The following SCFD1 variants were observed in gnomAD, a reference collection of about 807,000 sequenced individuals.
The protein encoded by SCFD1 is sec1 family domain-containing protein 1.
Under a neutral mutation model 103.2 loss-of-function variants are expected in SCFD1, and 37 were observed. That is an observed-to-expected ratio of 0.36 (90% confidence interval 0.28 to 0.47). The LOEUF (loss-of-function observed/expected upper bound fraction) is 0.47, where lower values mean the gene tolerates loss of function less well. Ranked by LOEUF, SCFD1 falls within the 20% of genes least tolerant of loss-of-function variation. The pLI, the probability that SCFD1 is intolerant of heterozygous loss-of-function variation, is 1.00. For synonymous variants in SCFD1, 264 were observed against 245.0 expected (o/e 1.08, Z -0.73); for missense variants, 639 against 761.2 (o/e 0.84, Z 1.89).
chr14:30,654,914 T>C (rs796400782), intron 10 of SCFD1, among the ~76,000 whole-genome samples: 18 of 152,228 alleles, frequency 1.2e-4, no homozygotes, highest in African/African-American at 2.6e-4. Context: ...CCCTAAGTAG[T>C]AGAACATGGA....
chr14:30,694,588 A>G (rs1890559733), intron 14 of SCFD1, among the ~76,000 whole-genome samples, 185 bp from the exon 15 acceptor site: 1 of 152,104 alleles, frequency 6.6e-6, no homozygotes, highest in Non-Finnish European at 1.5e-5. Flanking sequence ...TGGGTTAGGA[A>G]TGAGCCTGGG....
At chr14:30,634,389 A>G (rs892980045) in intron 4 of SCFD1, among the ~76,000 whole-genome samples, 5 of 152,222 alleles carry the variant, frequency 3.3e-5, no homozygotes, top group Admixed American at 3.3e-4. Context: ...ATATTTTATA[A>G]TTGCTCTATT....
chr14:30,624,201 A>C (rs1172368756), intron 1 of SCFD1, among the ~76,000 whole-genome samples: 1 of 152,150 alleles, frequency 6.6e-6, no homozygotes, highest in East Asian at 1.9e-4. Context: ...CCATACCTTC[A>C]GTTCAATAGG....
At chr14:30,639,480 A>G (rs2139043560) in intron 5 of SCFD1, among the ~76,000 whole-genome samples, 1 of 152,302 alleles carries the variant, frequency 6.6e-6, no homozygotes, top group African/African-American at 2.4e-5. Flanking sequence ...TTCAAAATTG[A>G]TATCCATTCC....
intron 4 of SCFD1, among the ~76,000 whole-genome samples, chr14:30,635,250 T>C (rs1884606767): frequency 6.6e-6 from 1 of 152,316 alleles, no homozygotes; most frequent in South Asian, 2.1e-4. Context: ...AATAACACCT[T>C]TATTGAAATT....
intron 7 of SCFD1, among the ~76,000 whole-genome samples, chr14:30,647,370 T>C (rs559966319): frequency 2.0e-5 from 3 of 152,198 alleles, no homozygotes; most frequent in South Asian, 2.1e-4. Context: ...ATTTTTTTTT[T>C]CCCTTAATTT....
At chr14:30,704,992 G>A (rs1454408199) in intron 17 of SCFD1, among the ~76,000 whole-genome samples, 2 of 152,166 alleles carry the variant, frequency 1.3e-5, no homozygotes, top group African/African-American at 2.4e-5. Context: ...ATTCTCTACA[G>A]TGAAAATACT....
rs1198551879 is a variant in SCFD1 at position 30,694,854 on chromosome 14, A to G, written c.1324A>G (p.Ile442Val). ...TTLDKSLLDI[I>V]SDPDAGTPED... ...TCTGGATAAATCTCTTCTAGATATA[A>G]TATCAGACCCTGATGGTATGTACCA... The change falls in exon 15 of 25, where the codon ATA (isoleucine) becomes GTA (valine). Residue 442 changes from isoleucine (I) to valine (V), a missense_variant. Transcript: ENST00000458591. The G allele has an allele frequency of 3.9e-5, 62 of 1,586,546 alleles. No individual in the cohort carries two copies. Among genetic ancestry groups the G allele is most frequent in the Admixed American group, 1.1e-4 (6 of 52,308 alleles).
intron 4 of SCFD1, among the ~76,000 whole-genome samples, chr14:30,636,241 G>T (rs778775500): frequency 4.0e-5 from 6 of 150,278 alleles, no homozygotes; most frequent in Admixed American, 6.6e-5. Flanking sequence ...AAACATTTTT[G>T]ATTTTGATGA....
Position 30,711,029 on chromosome 14 carries a change from C to G in SCFD1, c.1629+2964C>G, listed in dbSNP as rs539717615. On this transcript the variant is annotated intron_variant, in intron 19 of 24. Transcript: ENST00000458591. ...AAGTTTTGTGCATCACAAGTATCAA[C>G]TATCACATAAAACCAGTTGAATGTT... Among the ~76,000 whole-genome samples, 3 of 152,296 alleles carry G rather than the reference C, an allele frequency of 2.0e-5. No individual in the cohort carries two copies. In the South Asian group the frequency reaches 6.2e-4, roughly 32 times the overall value.
intron 10 of SCFD1, among the ~76,000 whole-genome samples, chr14:30,657,181 C>A (rs936144067): frequency 2.6e-5 from 4 of 151,736 alleles, no homozygotes; most frequent in Admixed American, 2.0e-4. Context: ...TTAAGAGTCC[C>A]TGGGCTCCCT....
intron 23 of SCFD1, among the ~76,000 whole-genome samples, chr14:30,732,077 T>C (rs1381967971): frequency 6.6e-6 from 1 of 152,200 alleles, no homozygotes; most frequent in Non-Finnish European, 1.5e-5. Context: ...CTGTTGAATT[T>C]TGTCAAAGAC....
intron 19 of SCFD1, among the ~76,000 whole-genome samples, chr14:30,710,981 A>G (rs535572592): frequency 3.3e-5 from 5 of 152,356 alleles, no homozygotes; most frequent in African/African-American, 1.2e-4. Context: ...AGAGCTTTTT[A>G]TACCTTGTTT....
At chr14:30,646,313 G>A (rs1338062276) in intron 7 of SCFD1, among the ~76,000 whole-genome samples, 5 of 152,250 alleles carry the variant, frequency 3.3e-5, no homozygotes, top group Middle Eastern at 3.4e-3. Context: ...GAGCCACCAC[G>A]CCCAGCTGAG....
In SCFD1 at chr14:30,674,991, C is replaced by A; in HGVS notation, c.1168C>A (p.Pro390Thr). ...ATTTTTTGATACTTGCAGTTCTTTG[C>A]CAGAACTCCTTGAGAAAAAAAGACT... The part of the protein sequence containing the change: ...AKLTSAVSSL[P>T]ELLEKKRLID... The change falls in exon 14 of 25, where the codon CCA becomes ACA. Residue 390 changes from proline (P) to threonine (T), a missense_variant. Physicochemically the swap from Pro to Thr is conservative, Grantham distance 38 (BLOSUM62 -1). Transcript: ENST00000458591. The A allele has an allele frequency of 6.4e-7, 1 of 1,571,362 alleles. No individual in the cohort carries two copies. The highest frequency in any genetic ancestry group is 8.6e-7 in the Non-Finnish European group (1 of 1,158,332).
intron 14 of SCFD1, among the ~76,000 whole-genome samples, chr14:30,691,586 C>G (rs78622050): frequency 0.013 from 1,935 of 152,286 alleles, 47 homozygotes; most frequent in African/African-American, 0.045. Flanking sequence ...AGGGCTGTTA[C>G]TTTTAACAGC....
intron 10 of SCFD1, among the ~76,000 whole-genome samples, chr14:30,657,211 G>A (rs1123860): frequency 0.28 from 41,794 of 151,666 alleles, 6,261 homozygotes; most frequent in East Asian, 0.62. Context: ...CCTGGATGGA[G>A]GAAATTAAAG....
chr14:30,635,174 C>T (rs988435511), intron 4 of SCFD1: 13 of 345,374 alleles, frequency 3.8e-5, no homozygotes, highest in African/African-American at 1.9e-4. Flanking sequence ...TTTTACCCTG[C>T]GTAAACTCAA....
At chr14:30,632,390 A>G (rs1468527603) in intron 3 of SCFD1, among the ~76,000 whole-genome samples, 1 of 152,174 alleles carries the variant, frequency 6.6e-6, no homozygotes, top group Non-Finnish European at 1.5e-5. Context: ...GATCTATCTT[A>G]TCACTGATGA....
Sources: allele counts gnomAD v4.1 joint callset (sites outside exome capture counted in the v4.1 genomes callset), GRCh38; gene constraint gnomAD v4.1.1; transcripts MANE v1.5; gene names NCBI Gene and HGNC (gene_info 2026-07-23, HGNC 2026-07-21).